SLC30A8: variants seen among roughly 807,000 people sequenced by gnomAD.
SLC30A8 encodes the protein solute carrier family 30 member 8.
A neutral mutation model predicts 36.9 loss-of-function variants in SLC30A8; 27 were observed. The ratio of observed to expected loss-of-function variants is 0.73; its 90% CI spans 0.54 to 1.01. The LOEUF is 1.01. Ranked by LOEUF, SLC30A8 falls within the 50% of genes least tolerant of loss-of-function variation. The pLI, the probability that SLC30A8 is intolerant of heterozygous loss-of-function variation, is 0.00. For synonymous variants in SLC30A8, 164 were observed against 172.4 expected (o/e 0.95, Z 0.38); for missense variants, 439 against 452.0 (o/e 0.97, Z 0.26).
At chr8:117,139,685 A>G (rs1472509609) in intron 1 of SLC30A8, among the ~76,000 whole-genome samples, 1 of 152,074 alleles carries the variant, frequency 6.6e-6, no homozygotes, top group African/African-American at 2.4e-5. Flanking sequence ...CACAGGCAGA[A>G]CAATCACTTA....
At chr8:117,078,670 G>C (rs1435679605) in intron 2 of SLC30A8, among the ~76,000 whole-genome samples, 1 of 152,158 alleles carries the variant, frequency 6.6e-6, no homozygotes, top group Non-Finnish European at 1.5e-5. Flanking sequence ...AAAGGTTTAA[G>C]TAAGACAATT....
At position 116,985,000 on chromosome 8, in the gene SLC30A8, A is replaced by G. The variant is rs187062931; in HGVS notation, c.-266+33881A>G. 1.9e-3 allele frequency among the ~76,000 whole-genome samples: 291 copies of G among 152,076 alleles called. 2 individuals carry two copies. Among genetic ancestry groups the G allele is most frequent in the African/African-American group, 6.4e-3 (266 of 41,508 alleles). ...TGTAAAAATAAAATTACAAGGTTCA[A>G]TTTGTTGGTCTTTATATTTATGGTT... On this transcript the variant is annotated intron_variant, in intron 1 of 10. Coordinates refer to the SLC30A8 transcript ENST00000427715.
intron 2 of SLC30A8, among the ~76,000 whole-genome samples, chr8:117,090,254 A>C (rs1183869040): frequency 6.6e-6 from 1 of 152,126 alleles, no homozygotes; most frequent in Non-Finnish European, 1.5e-5. Context: ...GAGCCACTGC[A>C]CCTGGCCAAC....
intron 2 of SLC30A8, among the ~76,000 whole-genome samples, chr8:117,053,134 C>T (rs916067053): frequency 3.9e-5 from 6 of 152,030 alleles, no homozygotes; most frequent in Admixed American, 1.3e-4. Flanking sequence ...AGGATGGTCT[C>T]GATCTCCTGG....
intron 4 of SLC30A8, among the ~76,000 whole-genome samples, chr8:117,159,323 G>A (rs1202078604): frequency 1.3e-5 from 2 of 152,176 alleles, no homozygotes; most frequent in African/African-American, 2.4e-5. Context: ...TTACATGAAG[G>A]TAGAGAAGAC....
At chr8:117,115,674 A>G (rs1208218946) in intron 2 of SLC30A8, among the ~76,000 whole-genome samples, 1 of 152,130 alleles carries the variant, frequency 6.6e-6, no homozygotes, top group Non-Finnish European at 1.5e-5. Context: ...AGTTACCAAT[A>G]AATGCAAAAC....
intron 1 of SLC30A8, among the ~76,000 whole-genome samples, chr8:116,999,045 A>G (rs999053442): frequency 3.3e-5 from 5 of 152,132 alleles, no homozygotes. Flanking sequence ...GATCACCTGA[A>G]GTCAGGAGTT....
intron 1 of SLC30A8, among the ~76,000 whole-genome samples, chr8:117,142,980 G>T (rs1011009730): frequency 6.6e-6 from 1 of 152,106 alleles, no homozygotes; most frequent in Non-Finnish European, 1.5e-5. Context: ...TCATGGTGAG[G>T]CTGAAGCTTT....
intron 2 of SLC30A8, among the ~76,000 whole-genome samples, chr8:117,116,056 G>A (rs1056044674): frequency 6.6e-6 from 1 of 152,048 alleles, no homozygotes; most frequent in African/African-American, 2.4e-5. Context: ...CCAAACTTCT[G>A]TACGCCCTTT....
intron 1 of SLC30A8, among the ~76,000 whole-genome samples, chr8:117,008,045 G>A (rs1000460530): frequency 6.6e-6 from 1 of 152,124 alleles, no homozygotes; most frequent in African/African-American, 2.4e-5. Flanking sequence ...ATGAGCAACC[G>A]ATAAGAGGCT....
At chr8:116,999,817 A>C (rs967848690) in intron 1 of SLC30A8, among the ~76,000 whole-genome samples, 1 of 144,936 alleles carries the variant, frequency 6.9e-6, no homozygotes, top group African/African-American at 2.9e-5. Flanking sequence ...TATAAGGAAA[A>C]GAAATTATGA....
At chr8:117,155,214 T>G (rs535484181) in intron 3 of SLC30A8, among the ~76,000 whole-genome samples, 1 of 152,346 alleles carries the variant, frequency 6.6e-6, no homozygotes, top group South Asian at 2.1e-4. Flanking sequence ...TCTGACTCTT[T>G]GTTTTGTCTT....
chr8:116,975,785 A>G (rs1814978622), intron 1 of SLC30A8, among the ~76,000 whole-genome samples: 2 of 152,216 alleles, frequency 1.3e-5, no homozygotes, highest in South Asian at 4.1e-4. Context: ...AGGTCCAGAG[A>G]TTTGAGGCCA....
At chr8:117,155,830 G>A (rs1822454282) in intron 3 of SLC30A8, among the ~76,000 whole-genome samples, 1 of 152,050 alleles carries the variant, frequency 6.6e-6, no homozygotes. Flanking sequence ...TGGTTTTCTG[G>A]GAAACTTTGT....
chr8:117,012,943 T>C (rs992033470), intron 1 of SLC30A8, among the ~76,000 whole-genome samples: 10 of 152,086 alleles, frequency 6.6e-5, no homozygotes, highest in Non-Finnish European at 1.2e-4. Context: ...AAAGATCTAA[T>C]AATTCACTAT....
intron 1 of SLC30A8, among the ~76,000 whole-genome samples, chr8:117,036,249 A>G (rs1437063019): frequency 6.6e-6 from 1 of 152,168 alleles, no homozygotes; most frequent in African/African-American, 2.4e-5. Context: ...TTAATTGCCC[A>G]TATCACTGTC....
At chr8:117,011,422 C>G (rs776639134) in intron 1 of SLC30A8, among the ~76,000 whole-genome samples, 1 of 152,148 alleles carries the variant, frequency 6.6e-6, no homozygotes, top group African/African-American at 2.4e-5. Context: ...CCAAATAGCT[C>G]GTTTGTGAAA....
intron 2 of SLC30A8, among the ~76,000 whole-genome samples, chr8:117,096,133 T>G (rs528830311): frequency 6.6e-6 from 1 of 152,288 alleles, no homozygotes; most frequent in Admixed American, 6.5e-5. Context: ...GATGTTATAG[T>G]CTCTCTGAGG....
intron 2 of SLC30A8, chr8:117,147,444 T>A: frequency 2.9e-6 from 1 of 340,574 alleles, no homozygotes; most frequent in African/African-American, 2.1e-5. Context: ...GCATACTGAA[T>A]GCTTTTGACC....
Sources: gnomAD v4.1 joint callset for allele counts (sites outside exome capture counted in the v4.1 genomes callset) on GRCh38, gnomAD v4.1.1 for gene constraint, MANE v1.5 for transcripts, NCBI Gene and HGNC (gene_info 2026-07-23, HGNC 2026-07-21) for gene names.